Variants in SHTN1 observed in about 807,000 individuals in gnomAD.
The protein encoded by SHTN1 is shootin 1, also known as shootin-1.
Under a neutral mutation model 83.1 loss-of-function variants are expected in SHTN1, and 42 were observed. The observed-to-expected ratio is 0.51, with a 90% CI of 0.39 to 0.65. The LOEUF (loss-of-function observed/expected upper bound fraction) is 0.65, where lower values mean the gene tolerates loss of function less well. Ranked by LOEUF, SHTN1 falls within the 30% of genes least tolerant of loss-of-function variation. SHTN1 has a pLI of 0.00. For synonymous variants in SHTN1, 224 were observed against 247.7 expected (o/e 0.90, Z 0.90); for missense variants, 622 against 737.8 (o/e 0.84, Z 1.82).
intron 1 of SHTN1, among the ~76,000 whole-genome samples, chr10:117,120,552 G>C (rs1589940493): frequency 6.6e-6 from 1 of 152,002 alleles, no homozygotes; most frequent in South Asian, 2.1e-4. Context: ...CTGGCCCCAT[G>C]ATGTGATTTT....
rs774867205 is a variant in SHTN1 at position 116,911,739 on chromosome 10, TCTC to T, written c.1359+48_1359+50del. On this transcript the variant is annotated intron_variant, in intron 14 of 16. Transcript: ENST00000355371. ...TCACAAAAAACAGATTTTAAAATACTCTCCTTTCATTTCCCCATTAGCTAAACA... is the reference window on the plus strand; with the variant it reads ...TCACAAAAAACAGATTTTAAAATACTCTTTCATTTCCCCATTAGCTAAACA... 3 of 1,574,882 alleles carry T rather than the reference TCTC, an allele frequency of 1.9e-6. No homozygotes were observed. In the South Asian group the frequency reaches 3.4e-5, roughly 18 times the overall value.
At chr10:116,986,719 T>G (rs1376928859) in intron 1 of SHTN1, among the ~76,000 whole-genome samples, 2 of 26,440 alleles carry the variant, frequency 7.6e-5, no homozygotes, top group African/African-American at 1.2e-4. Context: ...CAGTATCCTT[T>G]TTTTTTTTTT....
chr10:117,025,790 T>C (rs1564934280), intron 2 of SHTN1, among the ~76,000 whole-genome samples: 1 of 152,028 alleles, frequency 6.6e-6, no homozygotes, highest in South Asian at 2.1e-4. Context: ...AGCTCCCAGA[T>C]GACATTTCTA....
chr10:116,965,842 G>A (rs909639401), intron 3 of SHTN1, among the ~76,000 whole-genome samples: 1 of 151,996 alleles, frequency 6.6e-6, no homozygotes, highest in Non-Finnish European at 1.5e-5. Flanking sequence ...TTTTATTAAC[G>A]CAGAAATGGA....
Position 117,022,026 on chromosome 10 carries a change from ATCTC to A in SHTN1, c.-123+26415_-123+26418del, listed in dbSNP as rs777931349. Among the ~76,000 whole-genome samples, 4 of 152,266 alleles carry A rather than the reference ATCTC, an allele frequency of 2.6e-5. No individual in the cohort carries two copies. The East Asian group carries it at 7.7e-4, about 29-fold the overall frequency. Reference sequence around the variant, plus strand: ...AATAAGGCCTTAAGAGCAAAACCAGATCTCTCTGAGAATTTCTGCCACAACACTA... The same window carrying A: ...AATAAGGCCTTAAGAGCAAAACCAGATCTGAGAATTTCTGCCACAACACTA... On this transcript the variant is annotated intron_variant, in intron 2 of 17. Transcript: ENST00000392901.
intron 16 of SHTN1, among the ~76,000 whole-genome samples, chr10:116,886,937 T>C (rs1847183486): frequency 6.6e-6 from 1 of 151,992 alleles, no homozygotes; most frequent in Admixed American, 6.6e-5. Flanking sequence ...CTTAGCTGGA[T>C]GGAGCCAGTT....
intron 1 of SHTN1, among the ~76,000 whole-genome samples, chr10:117,088,675 C>G (rs1304255143): frequency 6.6e-6 from 1 of 152,192 alleles, no homozygotes; most frequent in Non-Finnish European, 1.5e-5. Context: ...TCCTCCAATA[C>G]AGGTGTGAGG....
intron 1 of SHTN1, among the ~76,000 whole-genome samples, chr10:117,078,069 T>C (rs1853187773): frequency 6.6e-6 from 1 of 152,162 alleles, no homozygotes; most frequent in Non-Finnish European, 1.5e-5. Context: ...AACTGAAAAA[T>C]TAAAGTTTAG....
intron 1 of SHTN1, among the ~76,000 whole-genome samples, chr10:117,060,161 T>C (rs1411166338): frequency 6.6e-6 from 1 of 152,106 alleles, no homozygotes; most frequent in Non-Finnish European, 1.5e-5. Flanking sequence ...TACAGTGAGC[T>C]ACAGTGGCAA....
chr10:117,079,262 C>T (rs1249972959), intron 1 of SHTN1, among the ~76,000 whole-genome samples: 1 of 138,826 alleles, frequency 7.2e-6, no homozygotes, highest in African/African-American at 2.7e-5. Flanking sequence ...GTTCAATTCC[C>T]ACCTATGAGT....
intron 9 of SHTN1, among the ~76,000 whole-genome samples, chr10:116,933,459 T>C (rs1292427369): frequency 3.3e-5 from 5 of 152,134 alleles, no homozygotes; most frequent in Non-Finnish European, 7.4e-5. Flanking sequence ...AAAATGATGG[T>C]TTCCAGCTTC....
At chr10:117,125,257 A>T (rs1853986173) in intron 1 of SHTN1, among the ~76,000 whole-genome samples, 1 of 152,142 alleles carries the variant, frequency 6.6e-6, no homozygotes, top group African/African-American at 2.4e-5. Flanking sequence ...CCACCCTCCC[A>T]CTGGTCTCTG....
At chr10:116,956,859 A>C (rs1039273143) in intron 4 of SHTN1, among the ~76,000 whole-genome samples, 2 of 152,164 alleles carry the variant, frequency 1.3e-5, no homozygotes, top group African/African-American at 2.4e-5. Flanking sequence ...CCTTCTCTGA[A>C]ACCCCATTTT....
intron 2 of SHTN1, among the ~76,000 whole-genome samples, chr10:117,015,303 T>G (rs1852166686): frequency 6.6e-6 from 1 of 152,130 alleles, no homozygotes; most frequent in Non-Finnish European, 1.5e-5. Context: ...TAGTAATTTT[T>G]TTTGTTTGTT....
At chr10:116,902,054 G>A (rs553301322) in intron 15 of SHTN1, 97 bp from the exon 16 acceptor site, 1 of 1,091,140 alleles carries the variant, frequency 9.2e-7, no homozygotes. Context: ...CTCAAGAAGT[G>A]AAAAGGCCAA....
chr10:117,124,798 A>G (rs1389466196), intron 1 of SHTN1, among the ~76,000 whole-genome samples: 2 of 152,206 alleles, frequency 1.3e-5, no homozygotes, highest in Non-Finnish European at 2.9e-5. Flanking sequence ...AATAAAAGTA[A>G]TAATTCTATT....
intron 15 of SHTN1, among the ~76,000 whole-genome samples, chr10:116,905,126 C>A (rs1234709264): frequency 6.7e-6 from 1 of 148,622 alleles, no homozygotes; most frequent in Non-Finnish European, 1.5e-5. Flanking sequence ...GCGTTGAACC[C>A]GGGAAGCGGA....
chr10:116,920,166 C>T (rs1848507187), intron 12 of SHTN1, among the ~76,000 whole-genome samples: 1 of 152,096 alleles, frequency 6.6e-6, no homozygotes, highest in African/African-American at 2.4e-5. Context: ...GTTGTTTATA[C>T]TAACAAAATA....
At chr10:117,082,617 T>C (rs945443783) in intron 1 of SHTN1, among the ~76,000 whole-genome samples, 5 of 152,050 alleles carry the variant, frequency 3.3e-5, no homozygotes, top group Admixed American at 2.0e-4. Flanking sequence ...CATTGATCTG[T>C]CTAATGTTGA....
Sources: allele counts gnomAD v4.1 joint callset (sites outside exome capture counted in the v4.1 genomes callset), GRCh38; gene constraint gnomAD v4.1.1; transcripts MANE v1.5; gene names NCBI Gene and HGNC (gene_info 2026-07-23, HGNC 2026-07-21).